FAM118B: variants seen among roughly 807,000 people sequenced by gnomAD.
The protein encoded by FAM118B is SIR2 antiphage like 1.
In FAM118B, 24 loss-of-function variants were observed where a neutral mutation model predicts 38.5. That is an observed-to-expected ratio of 0.62 (90% confidence interval 0.45 to 0.88). The LOEUF (loss-of-function observed/expected upper bound fraction) is 0.88, where lower values mean the gene tolerates loss of function less well. FAM118B is among the 40% of genes least tolerant of loss of function. The pLI is 0.00. For missense variants in FAM118B, 334 were observed against 420.0 expected (o/e 0.80, Z 1.79); for synonymous variants, 138 against 156.3 (o/e 0.88, Z 0.87).
At chr11:126,227,367 C>T (rs753410766) in intron 1 of FAM118B, among the ~76,000 whole-genome samples, 3 of 152,076 alleles carry the variant, frequency 2.0e-5, no homozygotes, top group Admixed American at 6.6e-5. Flanking sequence ...CAGCCACAAG[C>T]TTATTCATAA....
chr11:126,225,024 T>G lies in FAM118B; in HGVS notation c.-76-4201T>G, dbSNP rs11220408. 6.3e-3 allele frequency among the ~76,000 whole-genome samples: 959 copies of G among 152,306 alleles called. 2 individuals carry two copies. Among genetic ancestry groups the G allele is most frequent in the Middle Eastern group, 0.02 (6 of 294 alleles). ...GGGCAGCTGAGCAAACAAGATCTCT[T>G]TTATGTGAATAAGAAACTGAAGACT... On this transcript the variant is annotated intron_variant, in intron 1 of 8. Coordinates refer to ENST00000533050, the MANE Select transcript of FAM118B (RefSeq NM_024556.4).
intron 3 of FAM118B, among the ~76,000 whole-genome samples, chr11:126,237,601 C>T (rs1414897350): frequency 1.5e-4 from 20 of 132,868 alleles, no homozygotes; most frequent in Non-Finnish European, 2.2e-4. Context: ...CTTTGGGAGG[C>T]TGAGGTGGGC....
chr11:126,262,346 T>TAAA lies in FAM118B; in HGVS notation c.*215_*217dup. 4.2e-6 allele frequency: 2 copies of TAAA among 471,128 alleles called. No homozygotes were observed. The highest frequency in any genetic ancestry group is 3.8e-6 in the Non-Finnish European group (1 of 260,574). The allele number at this position is 471,128 out of a possible 1,614,324, so 29.2% of individuals were successfully genotyped here. On this transcript the variant is annotated 3_prime_UTR_variant, in exon 9 of 9. Transcript: ENST00000533050. ...TCTGCCGCCTGTTCAAGTTCAAGAATAAAAGCGACAGCAGGACCCAAATGC... is the reference window on the plus strand; with the variant it reads ...TCTGCCGCCTGTTCAAGTTCAAGAATAAAAAAAGCGACAGCAGGACCCAAATGC...
chr11:126,224,563 A>G (rs1950114581), intron 1 of FAM118B, among the ~76,000 whole-genome samples: 1 of 152,156 alleles, frequency 6.6e-6, no homozygotes, highest in Admixed American at 6.5e-5. Context: ...GCTGTGAAAT[A>G]AAAAGTAGAA....
At chr11:126,217,080 A>C (rs1949988818) in intron 1 of FAM118B, among the ~76,000 whole-genome samples, 2 of 152,246 alleles carry the variant, frequency 1.3e-5, no homozygotes, top group South Asian at 4.1e-4. Context: ...GTGGGAGGAA[A>C]GCAGAATACC....
At chr11:126,236,917 CTTTTT>C (rs34983028) in intron 3 of FAM118B, among the ~76,000 whole-genome samples, 1 of 68,410 alleles carries the variant, frequency 1.5e-5, no homozygotes, top group Non-Finnish European at 2.5e-5. Flanking sequence ...TTCACAGATG[CTTTTT>C]TTTTTTTTTT....
chr11:126,227,211 C>T (rs1950155114), intron 1 of FAM118B, among the ~76,000 whole-genome samples: 1 of 151,898 alleles, frequency 6.6e-6, no homozygotes, highest in Non-Finnish European at 1.5e-5. Flanking sequence ...TACAGGCACC[C>T]ACCACCATGC....
intron 1 of FAM118B, among the ~76,000 whole-genome samples, chr11:126,216,325 G>A (rs1040582829): frequency 1.1e-4 from 16 of 151,468 alleles, no homozygotes; most frequent in African/African-American, 1.5e-4. Context: ...GCGGTGAGTC[G>A]AGGTCGCACC....
In FAM118B at chr11:126,219,349, C is replaced by CTTTTTTTTTTTTTTTTTTTTTTTT. The variant is rs549922825; in HGVS notation, c.-77+7536_-77+7559dup. 3.4e-4 allele frequency among the ~76,000 whole-genome samples: 15 copies of CTTTTTTTTTTTTTTTTTTTTTTTT among 44,466 alleles called. 2 individuals carry two copies. Among genetic ancestry groups the CTTTTTTTTTTTTTTTTTTTTTTTT allele is most frequent in the African/African-American group, 4.1e-4 (4 of 9,760 alleles). 29.2% of individuals were successfully genotyped at this position (44,466 alleles called of 152,430 possible). A position where few individuals can be genotyped will look rare whatever the true frequency, so the allele number is the denominator to read the frequency against. ...AGCTTATCCTTCAGCTCTTGTTTAT[C>CTTTTTTTTTTTTTTTTTTTTTTTT]TTTTTTTTTTTTTTTTTTTTTTTTT... On this transcript the variant is annotated intron_variant, in intron 1 of 8. Coordinates refer to ENST00000533050, the MANE Select transcript of FAM118B (RefSeq NM_024556.4).
intron 1 of FAM118B, among the ~76,000 whole-genome samples, chr11:126,218,603 A>T (rs1322917032): frequency 3.3e-5 from 5 of 152,154 alleles, no homozygotes; most frequent in Non-Finnish European, 5.9e-5. Context: ...TTAATAACTT[A>T]AGGAATAAAT....
chr11:126,246,138 G>A (rs573691745), intron 4 of FAM118B, among the ~76,000 whole-genome samples: 1 of 152,130 alleles, frequency 6.6e-6, no homozygotes, highest in African/African-American at 2.4e-5. Context: ...ATATATTTAG[G>A]GGAAATTTAA....
At chr11:126,238,182 T>G (rs1310583893) in intron 3 of FAM118B, among the ~76,000 whole-genome samples, 1 of 152,094 alleles carries the variant, frequency 6.6e-6, no homozygotes, top group East Asian at 2.0e-4. Context: ...GCCAACCTGG[T>G]GAAACCCCGT....
intron 2 of FAM118B, among the ~76,000 whole-genome samples, chr11:126,232,529 C>T (rs1385237834): frequency 6.6e-6 from 1 of 152,036 alleles, no homozygotes; most frequent in Admixed American, 6.6e-5. Flanking sequence ...GCATGAACTT[C>T]CCTCTACATT....
intron 4 of FAM118B, among the ~76,000 whole-genome samples, chr11:126,247,298 G>A (rs1950430583): frequency 6.6e-6 from 1 of 152,064 alleles, no homozygotes; most frequent in African/African-American, 2.4e-5. Context: ...CTCAAAAAAA[G>A]AGACAAACTT....
At position 126,240,968 on chromosome 11, in the gene FAM118B, A is replaced by G. The variant is rs775342326; in HGVS notation, c.263A>G (p.Lys88Arg). The G allele has an allele frequency of 1.9e-6, 3 of 1,614,172 alleles. No homozygotes were observed. The highest frequency in any genetic ancestry group is 2.5e-6 in the Non-Finnish European group (3 of 1,180,024). ...GATCTTTTAGAAGATGAGGAGAGCA[A>G]AAAGTTTCAGAAATGTCTCCATGAA... ...DFDLLEDEES[K>R]KFQKCLHEDK... The change falls in exon 4 of 9, where the codon AAA (lysine) becomes AGA (arginine). Residue 88 changes from lysine (K) to arginine (R), a missense_variant. Physicochemically the swap from Lys to Arg is conservative, Grantham distance 26 (BLOSUM62 2). Around this residue, in one of 3 missense-constraint regions of FAM118B, gnomAD observed 240 missense variants for 295.9 expected, o/e 0.81. Transcript: ENST00000533050.
rs370973813 is a variant in FAM118B, at chr11:126,220,814, CT to C, written c.-76-8400del. ...TGATGGCTTCTGTGACAAATAATGC[CT>C]TTTTTTTTTTAAGAGCTTTCAGATT... On this transcript the variant is annotated intron_variant, in intron 1 of 8. Transcript: ENST00000533050. Among the ~76,000 whole-genome samples, 1,133 of 146,672 alleles carry C rather than the reference CT, an allele frequency of 7.7e-3. 13 individuals are homozygous for C. The highest frequency in any genetic ancestry group is 0.023 in the African/African-American group (917 of 40,188).
chr11:126,260,105 C>T (rs747494141), intron 7 of FAM118B, among the ~76,000 whole-genome samples: 9 of 151,836 alleles, frequency 5.9e-5, no homozygotes, highest in Non-Finnish European at 1.3e-4. Context: ...AGTCATGGCT[C>T]ACCACAGCCT....
In FAM118B at chr11:126,262,421, A is replaced by G; in HGVS notation, c.*288A>G. ...AGACATGCTTGTGTCCACACAGCAC[A>G]CCAATGTGATACTTCCACTGACCGG... On this transcript the variant is annotated 3_prime_UTR_variant, in exon 9 of 9. Transcript: ENST00000533050. 1 of 449,110 alleles carries G rather than the reference A, an allele frequency of 2.2e-6. No individual in the cohort carries two copies. 27.8% of individuals were successfully genotyped at this position (449,110 alleles called of 1,614,324 possible).
chr11:126,262,337 G>T lies in FAM118B; in HGVS notation c.*204G>T. 6.0e-4 allele frequency: 260 copies of T among 430,458 alleles called. No homozygotes were observed. Among genetic ancestry groups the T allele is most frequent in the East Asian group, 8.4e-4 (19 of 22,660 alleles). The allele number at this position is 430,458 out of a possible 1,614,324, so 26.7% of individuals were successfully genotyped here. On this transcript the variant is annotated 3_prime_UTR_variant, in exon 9 of 9. Coordinates refer to ENST00000533050, the MANE Select transcript of FAM118B (RefSeq NM_024556.4). ...TCTTGATATTCTGCCGCCTGTTCAAGTTCAAGAATAAAAGCGACAGCAGGA... is the reference window on the plus strand; with the variant it reads ...TCTTGATATTCTGCCGCCTGTTCAATTTCAAGAATAAAAGCGACAGCAGGA...
Sources: allele counts gnomAD v4.1 joint callset (sites outside exome capture counted in the v4.1 genomes callset), GRCh38; gene constraint gnomAD v4.1.1; regional missense constraint gnomAD v4.1.1; transcripts MANE v1.5; gene names NCBI Gene and HGNC (gene_info 2026-07-23, HGNC 2026-07-21).